The following IRAG1 variants were observed in gnomAD, a reference collection of about 807,000 sequenced individuals.
The protein encoded by IRAG1 is IP3R-associated cGMP kinase substrate.
IRAG1 carries 62 observed loss-of-function variants against 106.2 expected under a neutral mutation model. The observed-to-expected ratio is 0.58, with a 90% CI of 0.48 to 0.72. IRAG1 has a LOEUF of 0.72. IRAG1 is among the 30% of genes least tolerant of loss of function. The probability of loss-of-function intolerance (pLI) is 0.00; values close to 1 mark genes in which losing one functional copy is unlikely to be tolerated. For synonymous variants in IRAG1, 462 were observed against 443.9 expected (o/e 1.04, Z -0.51); for missense variants, 1,064 against 1,140.7 (o/e 0.93, Z 0.97).
intron 12 of IRAG1, among the ~76,000 whole-genome samples, chr11:10,605,606 G>A (rs1854409904): frequency 6.6e-6 from 1 of 152,174 alleles, no homozygotes; most frequent in Non-Finnish European, 1.5e-5. Context: ...ACGGAGTAAC[G>A]GAGCCAGGAT....
At chr11:10,636,859 T>C (rs896696199) in intron 2 of IRAG1, among the ~76,000 whole-genome samples, 1 of 152,192 alleles carries the variant, frequency 6.6e-6, no homozygotes, top group Non-Finnish European at 1.5e-5. Context: ...CCAAAGGGAA[T>C]CGCATTAGCA....
intron 10 of IRAG1, among the ~76,000 whole-genome samples, chr11:10,616,443 C>T (rs1391718763): frequency 6.6e-6 from 1 of 152,044 alleles, no homozygotes; most frequent in Non-Finnish European, 1.5e-5. Flanking sequence ...TTTCCTATGT[C>T]TCATTTTGTA....
chr11:10,594,344 G>T, intron 15 of IRAG1, 149 bp from the exon 16 acceptor site: 1 of 644,456 alleles, frequency 1.6e-6, no homozygotes, highest in Non-Finnish European at 2.6e-6. Context: ...ACTGAGTTTG[G>T]CACTTCATCC....
intron 10 of IRAG1, among the ~76,000 whole-genome samples, chr11:10,617,667 C>A (rs935373042): frequency 7.9e-5 from 12 of 152,180 alleles, no homozygotes; most frequent in African/African-American, 2.7e-4. Context: ...AACTCAAATT[C>A]ACTGTCTTCC....
intron 18 of IRAG1, among the ~76,000 whole-genome samples, chr11:10,588,859 T>C (rs1176608214): frequency 6.6e-6 from 1 of 152,264 alleles, no homozygotes; most frequent in Non-Finnish European, 1.5e-5. Flanking sequence ...ACATTCTATG[T>C]GCCTGGCCCT....
In IRAG1 at chr11:10,657,635, C is replaced by T. The variant is rs1859025598; in HGVS notation, c.68-5453G>A. Among the ~76,000 whole-genome samples, 2 of 152,140 alleles carry T rather than the reference C, an allele frequency of 1.3e-5. No homozygotes were observed. Among genetic ancestry groups the T allele is most frequent in the African/African-American group, 4.8e-5 (2 of 41,416 alleles). On this transcript the variant is annotated intron_variant, in intron 1 of 20. Transcript: ENST00000423302. The surrounding 1 kb of genome is among the most constrained non-coding windows in gnomAD (Gnocchi z 4.1). ...GAAGGGAGTTTTTTTGTTCTTCCAGCTTTGAATTTTTGCTTTCATTTTAGC... is the reference window on the plus strand; with the variant it reads ...GAAGGGAGTTTTTTTGTTCTTCCAGTTTTGAATTTTTGCTTTCATTTTAGC...
Position 10,628,082 on chromosome 11 carries a change from C to G in IRAG1, c.653-57G>C. On this transcript the variant is annotated intron_variant, in intron 6 of 20. Transcript: ENST00000423302. The surrounding 1 kb of genome is among the most constrained non-coding windows in gnomAD (Gnocchi z 4.1). ...CCAGCAGCCCAGGCCCTCAGCTGTG[C>G]TTTCAGCCACATCTCCCTCCCCGGG... 6.3e-7 allele frequency: 1 copy of G among 1,581,544 alleles called. No homozygotes were observed. The highest frequency in any genetic ancestry group is 8.7e-7 in the Non-Finnish European group (1 of 1,153,810).
intron 1 of IRAG1, among the ~76,000 whole-genome samples, chr11:10,656,166 C>T (rs1858908824): frequency 6.6e-6 from 1 of 152,212 alleles, no homozygotes. Context: ...AGAGCACCAA[C>T]CCATAAAAGG....
chr11:10,644,664 C>T (rs1857799675), intron 2 of IRAG1, among the ~76,000 whole-genome samples: 1 of 152,208 alleles, frequency 6.6e-6, no homozygotes, highest in Non-Finnish European at 1.5e-5. Flanking sequence ...TGAGGGTTCT[C>T]ACTGGGGAAG....
intron 1 of IRAG1, among the ~76,000 whole-genome samples, chr11:10,672,123 G>A (rs969578217): frequency 1.3e-5 from 2 of 152,146 alleles, no homozygotes; most frequent in Admixed American, 6.5e-5. Flanking sequence ...TCAACAAATG[G>A]TTCTGGAACA....
intron 11 of IRAG1, among the ~76,000 whole-genome samples, chr11:10,608,359 G>A (rs1044066130): frequency 1.3e-5 from 2 of 151,938 alleles, no homozygotes; most frequent in Non-Finnish European, 2.9e-5. Context: ...TAAACTCTTG[G>A]CCTCAAGTGA....
intron 10 of IRAG1, among the ~76,000 whole-genome samples, chr11:10,612,927 T>C (rs1030073932): frequency 2.0e-5 from 3 of 152,058 alleles, no homozygotes; most frequent in African/African-American, 4.8e-5. Context: ...TTGGGAAATA[T>C]ACAACCAACC....
intron 1 of IRAG1, among the ~76,000 whole-genome samples, chr11:10,672,329 A>C (rs1159085508): frequency 2.0e-5 from 3 of 152,240 alleles, no homozygotes; most frequent in African/African-American, 4.8e-5. Flanking sequence ...CAAAAGAAAA[A>C]GTAAATAAAT....
At chr11:10,680,514 A>AG in intron 1 of IRAG1, among the ~76,000 whole-genome samples, 1 of 132,726 alleles carries the variant, frequency 7.5e-6, no homozygotes, top group Non-Finnish European at 1.6e-5. Context: ...AAAGGGAAAA[A>AG]GAAAGGAAGA....
rs1199609934 is a variant in IRAG1, at chr11:10,657,353, G to C, written c.68-5171C>G. On this transcript the variant is annotated intron_variant, in intron 1 of 20. Transcript: ENST00000423302. This position sits in a 1 kb window ranked among gnomAD's most constrained non-coding sequence, Gnocchi z 4.1. ...ATGCTCCCCTTCCTTGCAGGGCCAA[G>C]CCTGTTCTCGGCAGGCAGCAGCAGC... is the stretch of plus-strand genomic sequence containing the variant. Among the ~76,000 whole-genome samples, 1 of 152,188 alleles carries C rather than the reference G, an allele frequency of 6.6e-6. No homozygotes were observed. Among genetic ancestry groups the C allele is most frequent in the East Asian group, 1.9e-4 (1 of 5,196 alleles).
At chr11:10,693,106 G>C (rs1192301403) in intron 1 of IRAG1, among the ~76,000 whole-genome samples, 1 of 152,150 alleles carries the variant, frequency 6.6e-6, no homozygotes, top group Admixed American at 6.5e-5. Flanking sequence ...GCCAGCCCAG[G>C]TTCAAGGCAG....
chr11:10,600,907 T>G lies in IRAG1; in HGVS notation c.2017+11A>C, dbSNP rs1425198419. 3.7e-6 allele frequency: 6 copies of G among 1,613,974 alleles called. No homozygotes were observed. The South Asian group carries it at 6.6e-5, about 18-fold the overall frequency. On this transcript the variant is annotated intron_variant, in intron 15 of 20. Transcript: ENST00000423302. ...GTAGGGCCAAGATGGGGCAGGAGCCTAGGTCCTTACCAGAGGGGCCACAGC... is the reference window on the plus strand; with the variant it reads ...GTAGGGCCAAGATGGGGCAGGAGCCGAGGTCCTTACCAGAGGGGCCACAGC...
intron 1 of IRAG1, among the ~76,000 whole-genome samples, chr11:10,683,232 T>A (rs75104658): frequency 0.015 from 2,243 of 152,208 alleles, 51 homozygotes; most frequent in African/African-American, 0.052. Context: ...CCCTCATGTA[T>A]CCATTTGTTT....
intron 2 of IRAG1, among the ~76,000 whole-genome samples, chr11:10,644,993 C>T (rs1377715029): frequency 6.6e-6 from 1 of 152,178 alleles, no homozygotes; most frequent in Non-Finnish European, 1.5e-5. Context: ...GAACAAGTCT[C>T]CTCCAGGTCC....
Sources: allele counts gnomAD v4.1 joint callset (sites outside exome capture counted in the v4.1 genomes callset), GRCh38; gene constraint gnomAD v4.1.1; non-coding constraint Gnocchi (gnomAD v3.1); transcripts MANE v1.5; gene names NCBI Gene and HGNC (gene_info 2026-07-23, HGNC 2026-07-21).